Variants in KDM6A observed in about 807,000 individuals in gnomAD.
The protein encoded by KDM6A is lysine demethylase 6A.
KDM6A carries 11 observed loss-of-function variants against 117.6 expected under a neutral mutation model. The ratio of observed to expected loss-of-function variants is 0.09; its 90% CI spans 0.06 to 0.15. The LOEUF (loss-of-function observed/expected upper bound fraction) is 0.15, where lower values mean the gene tolerates loss of function less well. KDM6A is among the 10% of genes least tolerant of loss of function. The pLI is 1.00. For synonymous variants in KDM6A, 384 were observed against 396.1 expected (o/e 0.97, Z 0.36); for missense variants, 799 against 1,077.3 (o/e 0.74, Z 3.62).
chrX:45,094,351 G>A (rs1470606139), intron 27 of KDM6A, among the ~76,000 whole-genome samples: 1 of 111,682 alleles, frequency 9.0e-6, no homozygotes, highest in African/African-American at 3.3e-5. Context: ...TGTGCATTCT[G>A]GGGAAGAATG....
chrX:45,031,895 T>A (rs184110106), intron 6 of KDM6A, among the ~76,000 whole-genome samples: 2 of 111,804 alleles, frequency 1.8e-5, no homozygotes, highest in Admixed American at 1.9e-4. Context: ...AACATTATTT[T>A]GAAATATTGA....
intron 6 of KDM6A, among the ~76,000 whole-genome samples, chrX:45,023,678 G>A (rs1234700786): frequency 9.0e-6 from 1 of 111,590 alleles, no homozygotes; most frequent in Non-Finnish European, 1.9e-5. Context: ...TGGGGGAACA[G>A]GTGGTGTTTG....
intron 8 of KDM6A, 46 bp from the exon 9 acceptor site, chrX:45,051,663 A>G: frequency 1.3e-6 from 1 of 755,354 alleles, no homozygotes; most frequent in South Asian, 2.3e-5. Context: ...GTAGTTCCTT[A>G]AAGATTATGT....
rs958940968 is a variant in KDM6A, at chrX:45,004,124, G to A, written c.385-6837G>A. 2.7e-5 allele frequency among the ~76,000 whole-genome samples: 3 copies of A among 110,687 alleles called. No individual in the cohort carries two copies. The East Asian group carries it at 8.6e-4, about 32-fold the overall frequency. ...TTCTTAGTTCAGGACATCCTCTCTT[G>A]AAGTGGCCTGTTCTTCGACATCAAT... On this transcript the variant is annotated intron_variant, in intron 4 of 29. Transcript: ENST00000611820.
intron 4 of KDM6A, among the ~76,000 whole-genome samples, chrX:44,994,211 C>G (rs368176666): frequency 1.8e-5 from 2 of 112,072 alleles, no homozygotes; most frequent in East Asian, 5.6e-4. Context: ...CTAAGTGAAA[C>G]TTCGTACCCT....
intron 2 of KDM6A, among the ~76,000 whole-genome samples, chrX:44,953,928 G>A (rs1421997482): frequency 9.1e-6 from 1 of 110,178 alleles, no homozygotes; most frequent in Non-Finnish European, 1.9e-5. Context: ...GTGGTGGCGT[G>A]TGCCTGTAGT....
intron 2 of KDM6A, among the ~76,000 whole-genome samples, chrX:44,938,735 A>G (rs1003860631): frequency 1.8e-5 from 2 of 112,516 alleles, no homozygotes; most frequent in African/African-American, 6.5e-5. Flanking sequence ...CTTAGCTTCA[A>G]AACTTCAAGG....
intron 2 of KDM6A, among the ~76,000 whole-genome samples, chrX:44,878,566 C>T (rs2031913290): frequency 1.8e-5 from 2 of 111,693 alleles, no homozygotes; most frequent in African/African-American, 6.5e-5. Flanking sequence ...GATTATAGAA[C>T]ATATTTGCAT....
chrX:45,039,346 G>A (rs1001016808), intron 8 of KDM6A, among the ~76,000 whole-genome samples: 13 of 109,844 alleles, frequency 1.2e-4, no homozygotes, highest in South Asian at 3.9e-4. Flanking sequence ...TATTTTTGCC[G>A]GAGATGGAAT....
intron 2 of KDM6A, among the ~76,000 whole-genome samples, chrX:44,904,943 G>A (rs897306688): frequency 1.8e-5 from 2 of 111,978 alleles, no homozygotes; most frequent in African/African-American, 6.5e-5. Flanking sequence ...AGTTAATTCT[G>A]AAACTATTTG....
chrX:44,900,014 A>C (rs1317918631), intron 2 of KDM6A, among the ~76,000 whole-genome samples: 1 of 112,373 alleles, frequency 8.9e-6, no homozygotes, highest in Non-Finnish European at 1.9e-5. Context: ...TTTGAATATC[A>C]AATGCTTTCT....
intron 2 of KDM6A, among the ~76,000 whole-genome samples, chrX:44,942,279 C>T (rs1356840440): frequency 2.7e-5 from 3 of 110,616 alleles, no homozygotes; most frequent in East Asian, 2.8e-4. Flanking sequence ...GTGATGCACC[C>T]GTGTTTGCTT....
At chrX:45,066,130 A>G (rs747425367) in intron 17 of KDM6A, among the ~76,000 whole-genome samples, 1 of 112,420 alleles carries the variant, frequency 8.9e-6, no homozygotes, top group East Asian at 2.8e-4. Context: ...AATATTTGCT[A>G]TCTGATCCTT....
intron 2 of KDM6A, among the ~76,000 whole-genome samples, chrX:44,875,330 ATT>A (rs746266720): frequency 8.9e-6 from 1 of 111,862 alleles, no homozygotes; most frequent in Admixed American, 9.6e-5. Flanking sequence ...GTAATTACAC[ATT>A]TGTTTTTATT....
chrX:45,035,453 A>G (rs910651020), intron 7 of KDM6A, among the ~76,000 whole-genome samples: 2 of 111,655 alleles, frequency 1.8e-5, no homozygotes, highest in African/African-American at 3.3e-5. Flanking sequence ...ACATTTTTCA[A>G]TTAATTAGAA....
chrX:44,888,292 G>A (rs2033065644), intron 2 of KDM6A, among the ~76,000 whole-genome samples: 1 of 112,232 alleles, frequency 8.9e-6, no homozygotes. Flanking sequence ...GCGACAGAGC[G>A]AGACTCCCTC....
intron 23 of KDM6A, 91 bp from the exon 24 acceptor site, chrX:45,083,369 T>A: frequency 2.3e-6 from 2 of 864,054 alleles, no homozygotes; most frequent in Non-Finnish European, 3.4e-6. Context: ...AATTGTTTTT[T>A]CTGATTGGAA....
In KDM6A at chrX:45,070,298, C is replaced by A. The variant is rs754951388; in HGVS notation, c.2799C>A (p.Ile933=). 9.9e-5 allele frequency: 119 copies of A among 1,208,093 alleles called. No individual in the cohort carries two copies. Among genetic ancestry groups the A allele is most frequent in the Non-Finnish European group, 1.2e-4 (111 of 893,499 alleles). Residue 933 remains isoleucine (I), a synonymous_variant, in exon 18 of 30, where the codon ATC becomes ATA. Transcript: ENST00000611820. ...LLVNHKPSPQ[I]IPSMSVSIYP... ...TTAACCACAAACCTAGTCCACAGAT[C>A]ATACCATCAATGTCTGTGTCCATAT...
intron 2 of KDM6A, among the ~76,000 whole-genome samples, chrX:44,948,927 G>A (rs768373837): frequency 2.7e-5 from 3 of 111,660 alleles, no homozygotes; most frequent in Non-Finnish European, 3.8e-5. Flanking sequence ...TTGACTGTGA[G>A]GAACTTATCC....
Sources: allele counts gnomAD v4.1 joint callset (sites outside exome capture counted in the v4.1 genomes callset), GRCh38; gene constraint gnomAD v4.1.1; transcripts MANE v1.5; gene names NCBI Gene and HGNC (gene_info 2026-07-23, HGNC 2026-07-21).